Variants in URGCP observed in about 807,000 individuals in gnomAD.
URGCP encodes upregulator of cell proliferation, also known as up-regulator of cell proliferation.
A neutral mutation model predicts 24.6 loss-of-function variants in URGCP; 13 were observed. The observed-to-expected ratio is 0.53, with a 90% CI of 0.34 to 0.84. The LOEUF (loss-of-function observed/expected upper bound fraction) is 0.84. URGCP is among the 40% of genes least tolerant of loss of function. The probability of loss-of-function intolerance (pLI) is 0.01; values close to 1 mark genes in which losing one functional copy is unlikely to be tolerated. For synonymous variants in URGCP, 444 were observed against 487.2 expected (o/e 0.91, Z 1.17); for missense variants, 899 against 1,194.3 (o/e 0.75, Z 3.64).
chr7:43,889,259 G>C (rs1194737837), intron 1 of URGCP: 1 of 152,226 alleles, frequency 6.6e-6, no homozygotes, highest in Non-Finnish European at 1.5e-5. Flanking sequence ...AAAGCAAGGG[G>C]ATCACTTGAG....
rs1300538875 is a variant in URGCP, at chr7:43,916,872, C to A, written c.-116+9260G>T. Among the ~76,000 whole-genome samples, 3 of 151,946 alleles carry A rather than the reference C, an allele frequency of 2.0e-5. 1 individual carries two copies. The highest frequency in any genetic ancestry group is 7.3e-5 in the African/African-American group (3 of 41,326). On this transcript the variant is annotated intron_variant, in intron 1 of 5. Coordinates refer to the URGCP transcript ENST00000426198. Reference sequence around the variant, plus strand: ...GGTATTTGCTAGGAAGAGAAGGGAACCAGGGACGCCTTGCTCCCCTCTTTC... The same window carrying A: ...GGTATTTGCTAGGAAGAGAAGGGAAACAGGGACGCCTTGCTCCCCTCTTTC...
rs931344549 is a variant in URGCP, at chr7:43,887,692, CA to C, written c.41+97del. 11 of 1,513,316 alleles carry C rather than the reference CA, an allele frequency of 7.3e-6. No individual in the cohort carries two copies. In the African/African-American group the frequency reaches 1.4e-4, roughly 19 times the overall value. The allele number at this position is 1,513,316 out of a possible 1,614,324, so 93.7% of individuals were successfully genotyped here. ...GCCCTCAATGATTCTGATATGCACC[CA>C]CAGTTGAGAAACACTGGTCTAGAAA... On this transcript the variant is annotated intron_variant, in intron 2 of 5. Transcript: ENST00000453200.
intron 1 of URGCP, chr7:43,919,510 C>T: frequency 8.0e-7 from 1 of 1,257,772 alleles, no homozygotes; most frequent in South Asian, 1.2e-5. Flanking sequence ...TTTCTCATGA[C>T]TGGCTACACC....
intron 1 of URGCP, among the ~76,000 whole-genome samples, chr7:43,899,542 C>G (rs28620748): frequency 0.073 from 11,097 of 151,912 alleles, 519 homozygotes; most frequent in African/African-American, 0.13. Context: ...TGAAAAAGAA[C>G]AGTGAAGGAC....
At chr7:43,919,549 G>T (rs2095919723) in intron 1 of URGCP, 1 of 1,396,712 alleles carries the variant, frequency 7.2e-7, no homozygotes, top group African/African-American at 1.4e-5. Context: ...TCAGTGGCCA[G>T]CGTGAGGAAG....
intron 3 of URGCP, among the ~76,000 whole-genome samples, chr7:43,883,336 ACATATATATATATATATATATATATATTT>A (rs1195149430): frequency 2.8e-4 from 34 of 121,946 alleles, no homozygotes; most frequent in African/African-American, 1.2e-3. Context: ...ATATATATAT[ACATATATATATATATATATATATATATTT>A]TTTTTTTTTT....
At chr7:43,911,421 C>T (rs1342370313), upstream of URGCP, among the ~76,000 whole-genome samples, 5 of 151,104 alleles carry the variant, frequency 3.3e-5, no homozygotes, top group East Asian at 3.9e-4. Flanking sequence ...TAGGGCCAGG[C>T]GCGGTGGCTC....
chr7:43,876,706 T>C lies in URGCP; in HGVS notation c.2757A>G (p.Lys919=). 6.2e-7 allele frequency: 1 copy of C among 1,614,224 alleles called. No homozygotes were observed. The highest frequency in any genetic ancestry group is 1.3e-5 in the African/African-American group (1 of 75,060). ...CCAGCTCAATGAGCTGCTGGATGTTTTTGTTTTGGTTCGACAAGCCGTTCC... is the reference window on the plus strand; with the variant it reads ...CCAGCTCAATGAGCTGCTGGATGTTCTTGTTTTGGTTCGACAAGCCGTTCC... ...NIRNGLSNQN[K]NIQQLIELVR... Residue 919 remains lysine, a synonymous_variant, in exon 6 of 6, where the codon AAA becomes AAG. Transcript: ENST00000453200.
upstream of URGCP, chr7:43,926,472 G>T (rs2095930714): frequency 7.1e-6 from 10 of 1,411,428 alleles, no homozygotes; most frequent in South Asian, 1.3e-4. Flanking sequence ...CGGCTGAGCC[G>T]GCAGCGGGCC....
chr7:43,887,122 T>C (rs1433538474), intron 3 of URGCP, among the ~76,000 whole-genome samples: 2 of 152,208 alleles, frequency 1.3e-5, no homozygotes, highest in Non-Finnish European at 2.9e-5. Flanking sequence ...TTCTGTTAAA[T>C]TGTGTCATAA....
chr7:43,891,851 C>T (rs1005508818), intron 1 of URGCP, among the ~76,000 whole-genome samples: 1 of 151,966 alleles, frequency 6.6e-6, no homozygotes, highest in Non-Finnish European at 1.5e-5. Flanking sequence ...GACGCCATCT[C>T]GGCTCACTGT....
chr7:43,910,593 A>C (rs1234361053), upstream of URGCP: 1 of 151,866 alleles, frequency 6.6e-6, no homozygotes, highest in African/African-American at 2.4e-5. Flanking sequence ...GGTGGCTCAC[A>C]CCTTTAATCC....
intron 1 of URGCP, among the ~76,000 whole-genome samples, chr7:43,921,559 T>C (rs565005720): frequency 1.4e-4 from 21 of 152,360 alleles, no homozygotes; most frequent in East Asian, 5.8e-4. Flanking sequence ...TTTACAGTTA[T>C]AAACTTCTTC....
At chr7:43,900,716 G>T (rs1366886487) in intron 1 of URGCP, among the ~76,000 whole-genome samples, 1 of 152,096 alleles carries the variant, frequency 6.6e-6, no homozygotes, top group Non-Finnish European at 1.5e-5. Flanking sequence ...CTCCCAAAGT[G>T]CTGGGATTAC....
chr7:43,887,288 C>A, intron 3 of URGCP, 127 bp downstream of exon 3: 1 of 1,109,754 alleles, frequency 9.0e-7, no homozygotes, highest in East Asian at 2.6e-5. Context: ...AAATAAAAGC[C>A]TTAAACTTAT....
chr7:43,905,597 C>G (rs75443220), intron 1 of URGCP: 4,044 of 152,286 alleles, frequency 0.027, 199 homozygotes, highest in African/African-American at 0.093. Context: ...CGTCCCCTCC[C>G]CACCCCTACC....
chr7:43,900,469 C>CAAAAAAAAAAAAAA (rs759728715), intron 1 of URGCP, among the ~76,000 whole-genome samples: 36 of 114,432 alleles, frequency 3.1e-4, no homozygotes, highest in Non-Finnish European at 4.5e-4. Flanking sequence ...AAAACCAAAA[C>CAAAAAAAAAAAAAA]AAAAAAAAAA....
At position 43,878,829 on chromosome 7, in the gene URGCP, C is replaced by A. The variant is rs765374985; in HGVS notation, c.634G>T (p.Ala212Ser). The A allele has an allele frequency of 6.2e-7, 1 of 1,614,108 alleles. No homozygotes were observed. Among genetic ancestry groups the A allele is most frequent in the Non-Finnish European group, 8.5e-7 (1 of 1,179,984 alleles). ...GAGTCAGGCAACACGAGTGGGAGTG[C>A]AAACTGGCAGAGGGCCATTTTCAAC... ...IALKMALCQFALPLVLPDSEN... is the reference protein window; with the variant it reads ...IALKMALCQFSLPLVLPDSEN... Residue 212 changes from alanine (A) to serine (S), a missense_variant, in exon 6 of 6, where the codon GCA becomes TCA. Ala to Ser is a moderately conservative substitution (Grantham distance 99). Transcript: ENST00000453200. The surrounding 1 kb of genome is among the most constrained non-coding windows in gnomAD (Gnocchi z 5.6).
At chr7:43,906,718 G>C (rs1242237826), upstream of URGCP, 1 of 748,084 alleles carries the variant, frequency 1.3e-6, no homozygotes. Flanking sequence ...GTGGGGTAAG[G>C]TGGGCCCGGG....
Sources: allele counts gnomAD v4.1 joint callset (sites outside exome capture counted in the v4.1 genomes callset), GRCh38; gene constraint gnomAD v4.1.1; non-coding constraint Gnocchi (gnomAD v3.1); transcripts MANE v1.5; gene names NCBI Gene and HGNC (gene_info 2026-07-23, HGNC 2026-07-21).